Variants in NALF1 observed in about 807,000 individuals in gnomAD.
NALF1 encodes the protein family with sequence similarity 155 member A.
A neutral mutation model predicts 48.4 loss-of-function variants in NALF1; 3 were observed. The observed-to-expected ratio is 0.06, with a 90% CI of 0.03 to 0.16. NALF1 has a LOEUF of 0.16. NALF1 is among the 10% of genes least tolerant of loss of function. The pLI is 1.00. For missense variants in NALF1, 526 were observed against 571.5 expected (o/e 0.92, Z 0.81); for synonymous variants, 262 against 245.7 (o/e 1.07, Z -0.62).
At chr13:107,200,629 T>C (rs911543790) in intron 2 of NALF1, among the ~76,000 whole-genome samples, 1 of 152,140 alleles carries the variant, frequency 6.6e-6, no homozygotes, top group African/African-American at 2.4e-5. Context: ...TAATAACAGA[T>C]GGCTAGGAAT....
chr13:107,741,561 A>T (rs978247038), intron 1 of NALF1, among the ~76,000 whole-genome samples: 5 of 152,206 alleles, frequency 3.3e-5, no homozygotes, highest in African/African-American at 9.7e-5. Flanking sequence ...AAACGGGAAG[A>T]GAAATATCTT....
At chr13:107,292,992 CTTT>C (rs55786928) in intron 1 of NALF1, among the ~76,000 whole-genome samples, 68 of 110,636 alleles carry the variant, frequency 6.1e-4, no homozygotes, top group Admixed American at 3.6e-3. Context: ...TTTTCTTTTT[CTTT>C]TTTTTTTTTT....
At chr13:107,267,304 G>A (rs537903424) in intron 1 of NALF1, among the ~76,000 whole-genome samples, 30 of 152,184 alleles carry the variant, frequency 2.0e-4, no homozygotes, top group African/African-American at 7.2e-4. Context: ...GACCAAAGAG[G>A]TACAGTCAAG....
At chr13:107,784,433 T>A (rs1391240570) in intron 1 of NALF1, among the ~76,000 whole-genome samples, 2 of 152,264 alleles carry the variant, frequency 1.3e-5, no homozygotes, top group East Asian at 3.9e-4. Flanking sequence ...CTTCTTTATA[T>A]AGAATAGAAA....
At chr13:107,210,527 AC>A (rs369628443) in intron 2 of NALF1, 56 bp downstream of exon 2, 1 of 1,227,972 alleles carries the variant, frequency 8.1e-7, no homozygotes. Flanking sequence ...AACAAACATC[AC>A]ACAAGAAAGC....
chr13:107,287,280 C>T (rs769268572), intron 1 of NALF1, among the ~76,000 whole-genome samples: 6 of 152,194 alleles, frequency 3.9e-5, no homozygotes, highest in Non-Finnish European at 7.3e-5. Flanking sequence ...ATCCGTGGAA[C>T]ATCACAAGCA....
chr13:107,351,008 A>G (rs539234792), intron 1 of NALF1, among the ~76,000 whole-genome samples: 1 of 152,206 alleles, frequency 6.6e-6, no homozygotes, highest in South Asian at 2.1e-4. Flanking sequence ...TCCCATGCTA[A>G]AAGGAGACAT....
chr13:107,399,176 C>T (rs954596551), intron 1 of NALF1, among the ~76,000 whole-genome samples: 1 of 152,106 alleles, frequency 6.6e-6, no homozygotes, highest in South Asian at 2.1e-4. Context: ...AGACCACTCT[C>T]TCACCTTTTG....
At chr13:107,416,073 C>A (rs962910500) in intron 1 of NALF1, among the ~76,000 whole-genome samples, 2 of 151,446 alleles carry the variant, frequency 1.3e-5, no homozygotes, top group African/African-American at 4.9e-5. Context: ...GAGGTGCAAT[C>A]TCTGCTCACT....
At chr13:107,832,685 T>C (rs572502908) in intron 1 of NALF1, among the ~76,000 whole-genome samples, 1 of 152,312 alleles carries the variant, frequency 6.6e-6, no homozygotes, top group South Asian at 2.1e-4. Flanking sequence ...CTGTCCATTG[T>C]GGCAGCCAGA....
intron 2 of NALF1, among the ~76,000 whole-genome samples, chr13:107,176,316 G>GAGTTTTT (rs777760773): frequency 8.1e-5 from 10 of 123,574 alleles, no homozygotes; most frequent in African/African-American, 3.2e-4. Context: ...CAACCTCACA[G>GAGTTTTT]TTTTTTTTTT....
At chr13:107,621,996 G>GTT (rs34784565) in intron 1 of NALF1, among the ~76,000 whole-genome samples, 88 of 150,026 alleles carry the variant, frequency 5.9e-4, no homozygotes, top group East Asian at 1.8e-3. Flanking sequence ...CCACAAAGCA[G>GTT]TTTTTTTTTT....
At chr13:107,569,606 G>A (rs923736354) in intron 1 of NALF1, among the ~76,000 whole-genome samples, 1 of 152,070 alleles carries the variant, frequency 6.6e-6, no homozygotes. Context: ...TGAGTCTATC[G>A]TTCTGTTGGG....
In NALF1 at chr13:107,867,183, CCTTCTT is replaced by C. The variant is rs1307381034; in HGVS notation, c.-593_-588del. On this transcript the variant is annotated 5_prime_UTR_variant, in exon 1 of 3. Transcript: ENST00000375915. This position sits in a 1 kb window ranked among gnomAD's most constrained non-coding sequence, Gnocchi z 4.4. ...TCTTCCTCCTCCTTCCTTTCCTTCT[CCTTCTT>C]CTTCTCCTCCGCCTCCCGCTCCTGC... 6.6e-6 allele frequency among the ~76,000 whole-genome samples: 1 copy of C among 151,748 alleles called. No homozygotes were observed. Among genetic ancestry groups the C allele is most frequent in the African/African-American group, 2.4e-5 (1 of 41,360 alleles).
At chr13:107,828,392 T>C (rs1042960094) in intron 1 of NALF1, among the ~76,000 whole-genome samples, 3 of 152,064 alleles carry the variant, frequency 2.0e-5, no homozygotes, top group African/African-American at 7.2e-5. Context: ...TGCAACTGCA[T>C]TCATACATCA....
chr13:107,845,620 A>G (rs1243487709), intron 1 of NALF1, among the ~76,000 whole-genome samples: 1 of 152,182 alleles, frequency 6.6e-6, no homozygotes, highest in African/African-American at 2.4e-5. Context: ...TCATGAAACC[A>G]TAGTCATATA....
chr13:107,760,855 T>A (rs977927545), intron 1 of NALF1, among the ~76,000 whole-genome samples: 3 of 152,170 alleles, frequency 2.0e-5, no homozygotes, highest in African/African-American at 7.2e-5. Context: ...ACCTAATTTT[T>A]TGCAGTAGTA....
chr13:107,797,360 C>T (rs59544807), intron 1 of NALF1, among the ~76,000 whole-genome samples: 3,341 of 152,226 alleles, frequency 0.022, 91 homozygotes, highest in African/African-American at 0.076. Context: ...CGCCCACCAC[C>T]ATGCCCGGCT....
chr13:107,219,503 T>C (rs1879946655), intron 1 of NALF1, among the ~76,000 whole-genome samples: 1 of 152,170 alleles, frequency 6.6e-6, no homozygotes, highest in African/African-American at 2.4e-5. Flanking sequence ...AAATAAGAAA[T>C]CTGAAACTAA....
Sources: gnomAD v4.1 joint callset for allele counts (sites outside exome capture counted in the v4.1 genomes callset) on GRCh38, gnomAD v4.1.1 for gene constraint, Gnocchi (gnomAD v3.1) non-coding constraint, MANE v1.5 for transcripts, NCBI Gene and HGNC (gene_info 2026-07-23, HGNC 2026-07-21) for gene names.